The following NTM variants were observed in gnomAD, a reference collection of about 807,000 sequenced individuals.
The protein encoded by NTM is neurotrimin, also known as IgLON family member 2.
NTM carries 13 observed loss-of-function variants against 42.1 expected under a neutral mutation model. The ratio of observed to expected loss-of-function variants is 0.31; its 90% CI spans 0.20 to 0.49. The LOEUF is 0.49. Ranked by LOEUF, NTM falls within the 20% of genes least tolerant of loss-of-function variation. NTM has a pLI of 0.99. For missense variants in NTM, 373 were observed against 452.8 expected (o/e 0.82, Z 1.60); for synonymous variants, 187 against 179.2 (o/e 1.04, Z -0.35).
intron 1 of NTM, among the ~76,000 whole-genome samples, chr11:131,687,288 C>A (rs369730945): frequency 2.0e-5 from 3 of 152,348 alleles, no homozygotes; most frequent in South Asian, 4.1e-4. Context: ...ACCCTCCCAG[C>A]GCCCCTCCCA....
At chr11:132,245,660 T>C (rs1235904797) in intron 4 of NTM, among the ~76,000 whole-genome samples, 1 of 152,112 alleles carries the variant, frequency 6.6e-6, no homozygotes, top group Non-Finnish European at 1.5e-5. Flanking sequence ...ACGGGGACTC[T>C]GTCCTAAGAA....
intron 1 of NTM, among the ~76,000 whole-genome samples, chr11:131,421,299 G>T (rs1198627710): frequency 6.6e-6 from 1 of 152,186 alleles, no homozygotes; most frequent in Non-Finnish European, 1.5e-5. Flanking sequence ...AAGCGACAGG[G>T]TTCACCTGTG....
At chr11:131,814,920 C>T (rs1034929723) in intron 1 of NTM, among the ~76,000 whole-genome samples, 3 of 152,188 alleles carry the variant, frequency 2.0e-5, no homozygotes, top group Non-Finnish European at 4.4e-5. Context: ...TATATCTCTC[C>T]AAACCCACTA....
intron 2 of NTM, among the ~76,000 whole-genome samples, chr11:132,029,411 G>C (rs900744077): frequency 7.3e-6 from 1 of 136,226 alleles, no homozygotes; most frequent in South Asian, 2.2e-4. Flanking sequence ...TCATTGTTCA[G>C]TTCCCACCTA....
chr11:131,372,809 GAATA>G (rs1271727233), intron 1 of NTM, among the ~76,000 whole-genome samples: 1 of 151,542 alleles, frequency 6.6e-6, no homozygotes, highest in African/African-American at 2.4e-5. Flanking sequence ...TTTTTCATCA[GAATA>G]AATGCAGGGA....
At chr11:131,728,554 C>T (rs191014915) in intron 1 of NTM, among the ~76,000 whole-genome samples, 115 of 152,250 alleles carry the variant, frequency 7.6e-4, no homozygotes, top group Admixed American at 3.1e-3. Context: ...GTGGAGGCTT[C>T]ATTACATAGG....
At chr11:131,625,583 C>G (rs1355280956) in intron 1 of NTM, among the ~76,000 whole-genome samples, 2 of 151,646 alleles carry the variant, frequency 1.3e-5, no homozygotes, top group African/African-American at 4.8e-5. Context: ...AGATAACGTT[C>G]CCCAATAACA....
At chr11:131,498,292 C>T (rs1413960800) in intron 1 of NTM, among the ~76,000 whole-genome samples, 1 of 152,142 alleles carries the variant, frequency 6.6e-6, no homozygotes, top group Non-Finnish European at 1.5e-5. Context: ...TTCCTGTATT[C>T]TGTAAAAGAG....
intron 1 of NTM, among the ~76,000 whole-genome samples, chr11:131,892,033 C>T (rs2051430527): frequency 1.3e-5 from 2 of 152,186 alleles, no homozygotes; most frequent in South Asian, 4.1e-4. Context: ...GTAAAATACA[C>T]TGATTTGGAG....
chr11:132,152,398 A>C (rs546836359), intron 3 of NTM, among the ~76,000 whole-genome samples: 3 of 152,322 alleles, frequency 2.0e-5, no homozygotes, highest in Admixed American at 6.5e-5. Flanking sequence ...TGTGTGACAG[A>C]TAGTGGGGGC....
At chr11:131,751,349 G>C (rs147641315) in intron 1 of NTM, among the ~76,000 whole-genome samples, 12,824 of 152,040 alleles carry the variant, frequency 0.084, 617 homozygotes, top group East Asian at 0.15. Flanking sequence ...CCAGCACTTC[G>C]GGAGGCTGAG....
chr11:131,988,016 C>T (rs1040737768), intron 2 of NTM, among the ~76,000 whole-genome samples: 8 of 152,208 alleles, frequency 5.3e-5, no homozygotes, highest in African/African-American at 1.7e-4. Flanking sequence ...AACATTTATT[C>T]CTCACAGTCT....
chr11:131,500,162 C>A (rs1303153721), intron 1 of NTM, among the ~76,000 whole-genome samples: 2 of 152,174 alleles, frequency 1.3e-5, no homozygotes, highest in South Asian at 4.1e-4. Context: ...AGCAGAAGTT[C>A]TCTCTCATTT....
intron 1 of NTM, among the ~76,000 whole-genome samples, chr11:131,583,437 T>C (rs74424071): frequency 0.022 from 3,281 of 152,364 alleles, 118 homozygotes; most frequent in African/African-American, 0.074. Flanking sequence ...GTGTTAACAA[T>C]GTTTTAACAT....
chr11:131,810,292 T>C (rs1330526476), intron 1 of NTM, among the ~76,000 whole-genome samples: 1 of 152,174 alleles, frequency 6.6e-6, no homozygotes, highest in Non-Finnish European at 1.5e-5. Flanking sequence ...GATTCCCTCA[T>C]ATTTCTTCTT....
chr11:132,211,898 C>A (rs2082910229), intron 3 of NTM, 124 bp from the exon 4 acceptor site: 2 of 824,804 alleles, frequency 2.4e-6, no homozygotes, highest in Admixed American at 3.9e-5. Context: ...CCTCTAATTT[C>A]TTATCGTTAA....
intron 1 of NTM, among the ~76,000 whole-genome samples, chr11:131,697,572 G>T (rs1045744502): frequency 6.6e-6 from 1 of 152,014 alleles, no homozygotes; most frequent in East Asian, 1.9e-4. Context: ...GTGACTTTCC[G>T]GGATTTATCT....
chr11:131,939,150 A>G (rs1271502607), intron 2 of NTM, among the ~76,000 whole-genome samples: 1 of 152,154 alleles, frequency 6.6e-6, no homozygotes, highest in African/African-American at 2.4e-5. Flanking sequence ...AGAATGGCGG[A>G]TCGGAGTCCT....
intron 1 of NTM, among the ~76,000 whole-genome samples, chr11:131,755,167 G>T (rs541956155): frequency 6.6e-6 from 1 of 152,072 alleles, no homozygotes; most frequent in Non-Finnish European, 1.5e-5. Flanking sequence ...ATCACTAAAT[G>T]GATACATTTT....
Sources: gnomAD v4.1 joint callset for allele counts (sites outside exome capture counted in the v4.1 genomes callset) on GRCh38, gnomAD v4.1.1 for gene constraint, MANE v1.5 for transcripts, NCBI Gene and HGNC (gene_info 2026-07-23, HGNC 2026-07-21) for gene names.